BCAS3: variants seen among roughly 807,000 people sequenced by gnomAD.
The protein encoded by BCAS3 is BCAS4/BCAS3 fusion.
Under a neutral mutation model 116.1 loss-of-function variants are expected in BCAS3, and 53 were observed. The observed-to-expected ratio is 0.46, with a 90% CI of 0.37 to 0.57. The LOEUF (loss-of-function observed/expected upper bound fraction) is 0.57. Ranked by LOEUF, BCAS3 falls within the 20% of genes least tolerant of loss-of-function variation. BCAS3 has a pLI of 0.00. For missense variants in BCAS3, 917 were observed against 1,165.4 expected (o/e 0.79, Z 3.10); for synonymous variants, 391 against 408.2 (o/e 0.96, Z 0.51).
intron 23 of BCAS3, chr17:61,383,359 A>G (rs1221726297): frequency 1.3e-5 from 2 of 152,352 alleles, no homozygotes; most frequent in African/African-American, 4.8e-5. Flanking sequence ...TGACACCCTC[A>G]CATCCCAGCA....
In BCAS3 at chr17:60,689,774, CT is replaced by C. The variant is rs374398691; in HGVS notation, c.214+20del. On this transcript the variant is annotated intron_variant, in intron 4 of 23. Transcript: ENST00000407086. ...GCAGATTTAAATGGTATGGTTTTAA[CT>C]TTTTTTGGGACGTGTGAATTAATTG... is the stretch of plus-strand genomic sequence containing the variant. 81 of 1,558,540 alleles carry C rather than the reference CT, an allele frequency of 5.2e-5. No homozygotes were observed. The African/African-American group carries it at 8.5e-4, about 16-fold the overall frequency.
rs1159650650 is a variant in BCAS3 at position 61,380,017 on chromosome 17, T to A, written c.2593+11523T>A. ...TTATAAGGCCTGGAGTTTCTCGGTT[T>A]CATGCGTTATCCATCCCCGACCACT... is the stretch of plus-strand genomic sequence containing the variant. On this transcript the variant is annotated intron_variant, in intron 23 of 23. Coordinates refer to ENST00000407086, the MANE Select transcript of BCAS3 (RefSeq NM_017679.5). This position sits in a 1 kb window ranked among gnomAD's most constrained non-coding sequence, Gnocchi z 4.2. The A allele has an allele frequency of 6.3e-6, 1 of 159,902 alleles. No homozygotes were observed. Among genetic ancestry groups the A allele is most frequent in the Non-Finnish European group, 1.4e-5 (1 of 72,654 alleles). 9.9% of individuals were successfully genotyped at this position (159,902 alleles called of 1,614,324 possible). A position where few individuals can be genotyped will look rare whatever the true frequency, so the allele number is the denominator to read the frequency against.
At chr17:60,935,117 A>G (rs1165746908) in intron 13 of BCAS3, among the ~76,000 whole-genome samples, 4 of 152,178 alleles carry the variant, frequency 2.6e-5, no homozygotes, top group Non-Finnish European at 5.9e-5. Context: ...ATGCAATGCA[A>G]TGCAATGCAC....
At chr17:61,358,486 T>A (rs1443478601) in intron 22 of BCAS3, among the ~76,000 whole-genome samples, 1 of 145,338 alleles carries the variant, frequency 6.9e-6, no homozygotes, top group Non-Finnish European at 1.5e-5. Context: ...GGTCAGTAGT[T>A]GGGCACGTTT....
In BCAS3 at chr17:61,128,162, T is replaced by C. The variant is rs2076142933; in HGVS notation, c.2425+43598T>C. On this transcript the variant is annotated intron_variant, in intron 22 of 23. Transcript: ENST00000407086. The surrounding 1 kb of genome is among the most constrained non-coding windows in gnomAD (Gnocchi z 4.1). ...TGATACTGTAAACCTGACAACTCAA[T>C]CTGGTTTTCTTTTAGGAAGCCTTCC... 1.0e-6 allele frequency: 1 copy of C among 985,074 alleles called. No homozygotes were observed. The highest frequency in any genetic ancestry group is 5.2e-4 in the Middle Eastern group (1 of 1,914). 61.0% of individuals were successfully genotyped at this position (985,074 alleles called of 1,614,324 possible).
intron 18 of BCAS3, among the ~76,000 whole-genome samples, chr17:61,040,049 A>T (rs917295333): frequency 1.3e-5 from 2 of 152,256 alleles, no homozygotes; most frequent in African/African-American, 4.8e-5. Flanking sequence ...AGGAAAAAAA[A>T]CCTGGAATAA....
chr17:61,064,813 C>A (rs1003662889), intron 19 of BCAS3, among the ~76,000 whole-genome samples: 2 of 152,158 alleles, frequency 1.3e-5, no homozygotes, highest in Non-Finnish European at 2.9e-5. Context: ...ACTACAGGGT[C>A]AGGGCACAAG....
At chr17:60,938,979 A>G (rs2060087556) in intron 13 of BCAS3, among the ~76,000 whole-genome samples, 1 of 152,226 alleles carries the variant, frequency 6.6e-6, no homozygotes, top group African/African-American at 2.4e-5. Context: ...ATGTAAAATT[A>G]TACAACCACA....
intron 6 of BCAS3, among the ~76,000 whole-genome samples, chr17:60,776,712 C>CCGTCTCAAAA: frequency 6.9e-6 from 1 of 144,334 alleles, no homozygotes; most frequent in East Asian, 2.0e-4. Flanking sequence ...GAGTGAGACT[C>CCGTCTCAAAA]CGTCTCAAAA....
intron 22 of BCAS3, among the ~76,000 whole-genome samples, chr17:61,303,353 C>T (rs912179803): frequency 3.3e-5 from 5 of 152,128 alleles, no homozygotes; most frequent in African/African-American, 4.8e-5. Context: ...ACAGCAGCGG[C>T]CTGGAACTTC....
intron 22 of BCAS3, among the ~76,000 whole-genome samples, chr17:61,345,857 G>T (rs1465722786): frequency 6.6e-6 from 1 of 152,144 alleles, no homozygotes; most frequent in African/African-American, 2.4e-5. Context: ...AGCATGATTA[G>T]AATAAGGAAG....
intron 6 of BCAS3, among the ~76,000 whole-genome samples, chr17:60,805,118 A>ACATATTTATATGTATATAAATAT (rs1489634754): frequency 5.9e-5 from 9 of 151,886 alleles, no homozygotes; most frequent in African/African-American, 1.9e-4. Flanking sequence ...TATATAAATA[A>ACATATTTATATGTATATAAATAT]CATATTTATA....
intron 19 of BCAS3, among the ~76,000 whole-genome samples, chr17:61,050,411 G>GTATA (rs911487258): frequency 1.3e-5 from 2 of 151,840 alleles, no homozygotes; most frequent in African/African-American, 4.8e-5. Context: ...ACGCATGTGT[G>GTATA]TATATATATG....
At chr17:61,165,468 C>T (rs921939805) in intron 22 of BCAS3, among the ~76,000 whole-genome samples, 3 of 152,196 alleles carry the variant, frequency 2.0e-5, no homozygotes, top group Non-Finnish European at 2.9e-5. Flanking sequence ...GAGGCTGAGG[C>T]GAGTGCATTA....
intron 22 of BCAS3, among the ~76,000 whole-genome samples, chr17:61,262,655 A>T (rs1430292533): frequency 1.3e-5 from 2 of 151,492 alleles, no homozygotes; most frequent in African/African-American, 4.9e-5. Context: ...TGTTGGGATT[A>T]CAGGCGTGAG....
chr17:61,183,487 C>G (rs896211515), intron 22 of BCAS3, among the ~76,000 whole-genome samples: 1 of 152,068 alleles, frequency 6.6e-6, no homozygotes, highest in East Asian at 1.9e-4. Context: ...ACAAAGGACT[C>G]ATAAACATAT....
At chr17:60,741,679 A>G (rs923327478) in intron 5 of BCAS3, among the ~76,000 whole-genome samples, 2 of 152,178 alleles carry the variant, frequency 1.3e-5, no homozygotes, top group Non-Finnish European at 2.9e-5. Flanking sequence ...TAAATCCATA[A>G]TTTTTGGACA....
rs2058655722 is a variant in BCAS3 at position 61,365,092 on chromosome 17, C to A, written c.2426-3235C>A. Among the ~76,000 whole-genome samples the A allele has an allele frequency of 6.6e-6, 1 of 152,218 alleles. No homozygotes were observed. Among genetic ancestry groups the A allele is most frequent in the African/African-American group, 2.4e-5 (1 of 41,450 alleles). ...AATCCTATGTGGTTGTATTGTTTTT[C>A]CATTTTTATGGATGAGGAATCAGAG... On this transcript the variant is annotated intron_variant, in intron 22 of 23. Coordinates refer to ENST00000407086, the MANE Select transcript of BCAS3 (RefSeq NM_017679.5). This position sits in a 1 kb window ranked among gnomAD's most constrained non-coding sequence, Gnocchi z 4.6.
rs2067540963 is a variant in BCAS3 at position 61,041,899 on chromosome 17, T to C, written c.2029+1007T>C. 6.6e-6 allele frequency among the ~76,000 whole-genome samples: 1 copy of C among 152,018 alleles called. No homozygotes were observed. Among genetic ancestry groups the C allele is most frequent in the Non-Finnish European group, 1.5e-5 (1 of 67,962 alleles). On this transcript the variant is annotated intron_variant, in intron 19 of 23. Coordinates refer to ENST00000407086, the MANE Select transcript of BCAS3 (RefSeq NM_017679.5). The surrounding 1 kb of genome is among the most constrained non-coding windows in gnomAD (Gnocchi z 4.7). ...CCTACTATGTGTGAGGCAGTTCTGA[T>C]TTAAAGGTGATTAGTATATTGCTTC...
Sources: allele counts gnomAD v4.1 joint callset (sites outside exome capture counted in the v4.1 genomes callset), GRCh38; gene constraint gnomAD v4.1.1; non-coding constraint Gnocchi (gnomAD v3.1); transcripts MANE v1.5; gene names NCBI Gene and HGNC (gene_info 2026-07-23, HGNC 2026-07-21).